PAMR1: variants seen among roughly 807,000 people sequenced by gnomAD.
PAMR1 encodes the protein peptidase domain containing associated with muscle regeneration 1, also known as inactive serine protease PAMR1.
PAMR1 carries 88 observed loss-of-function variants against 81.8 expected under a neutral mutation model. The ratio of observed to expected loss-of-function variants is 1.08; its 90% confidence interval spans 0.91 to 1.28. The LOEUF (loss-of-function observed/expected upper bound fraction) is 1.28, where lower values mean the gene tolerates loss of function less well. Among genes scored for constraint, PAMR1 ranks in the 50% most tolerant of loss-of-function variants. The pLI is 0.00. For synonymous variants in PAMR1, 336 were observed against 345.3 expected, an observed-to-expected ratio of 0.97 and a Z score of 0.30; for missense variants, 935 against 919.7, an observed-to-expected ratio of 1.02 and a Z score of -0.21.
rs1465832938 is a variant in PAMR1, at chr11:35,457,904, T to A, written c.820+10097A>T. 3.3e-5 allele frequency among the ~76,000 whole-genome samples: 5 copies of A among 152,262 alleles called. No individual in the cohort carries two copies. In the East Asian group the frequency reaches 7.7e-4, roughly 23 times the overall value. On this transcript the variant is annotated intron_variant, in intron 6 of 10. Coordinates refer to ENST00000619888, the MANE Select transcript of PAMR1 (RefSeq NM_001001991.3). Reference sequence around the variant, plus strand: ...GTTATTACCTACCACTTGTCATTAATCATTTGTTGAAGGATGATGAGATGA... The same window carrying A: ...GTTATTACCTACCACTTGTCATTAAACATTTGTTGAAGGATGATGAGATGA...
intron 6 of PAMR1, among the ~76,000 whole-genome samples, chr11:35,458,295 T>C (rs1333420085): frequency 6.6e-6 from 1 of 152,210 alleles, no homozygotes; most frequent in African/African-American, 2.4e-5. Flanking sequence ...TCTTTTAATC[T>C]CTATCCCATC....
intron 1 of PAMR1, among the ~76,000 whole-genome samples, chr11:35,515,876 T>C (rs1264688193): frequency 6.6e-6 from 1 of 151,930 alleles, no homozygotes; most frequent in Non-Finnish European, 1.5e-5. Context: ...CACAGATGAA[T>C]AGAATGGGAC....
chr11:35,482,410 C>A (rs1031535503), intron 3 of PAMR1, among the ~76,000 whole-genome samples: 1 of 152,110 alleles, frequency 6.6e-6, no homozygotes, highest in Non-Finnish European at 1.5e-5. Flanking sequence ...TGTTTTGGCA[C>A]CAGTACCATT....
intron 3 of PAMR1, among the ~76,000 whole-genome samples, chr11:35,475,041 A>G (rs1452516155): frequency 1.3e-5 from 2 of 152,194 alleles, no homozygotes; most frequent in African/African-American, 4.8e-5. Context: ...CTAGCCGCTA[A>G]GTGACGGAGC....
At chr11:35,465,696 C>A (rs771545350) in intron 6 of PAMR1, among the ~76,000 whole-genome samples, 1 of 152,180 alleles carries the variant, frequency 6.6e-6, no homozygotes, top group South Asian at 2.1e-4. Context: ...AATGACATAT[C>A]GGATATCCAC....
intron 1 of PAMR1, 134 bp downstream of exon 1, chr11:35,525,379 C>G (rs1851366375): frequency 7.3e-6 from 5 of 680,912 alleles, no homozygotes; most frequent in East Asian, 2.8e-5. Context: ...GCACCACCCC[C>G]CCTCAACCCC....
At chr11:35,472,180 T>C (rs751086780) in intron 4 of PAMR1, among the ~76,000 whole-genome samples, 22 of 152,218 alleles carry the variant, frequency 1.4e-4, no homozygotes, top group Non-Finnish European at 2.4e-4. Flanking sequence ...CTTATGCAGA[T>C]GCCACCATGC....
intron 4 of PAMR1, among the ~76,000 whole-genome samples, chr11:35,472,021 T>C (rs762132765): frequency 1.3e-5 from 2 of 152,212 alleles, no homozygotes; most frequent in Non-Finnish European, 2.9e-5. Context: ...TTGTAAGTGT[T>C]CTAAAAGGTA....
chr11:35,517,796 G>C (rs656009), intron 1 of PAMR1, among the ~76,000 whole-genome samples: 1 of 152,112 alleles, frequency 6.6e-6, no homozygotes, highest in East Asian at 1.9e-4. Flanking sequence ...ACTTTGTCCT[G>C]TTCATCTTGA....
intron 6 of PAMR1, among the ~76,000 whole-genome samples, chr11:35,445,891 A>G (rs75304200): frequency 6.6e-6 from 1 of 152,192 alleles, no homozygotes; most frequent in African/African-American, 2.4e-5. Context: ...TGTTTTGAAT[A>G]GTTTCAGAAG....
intron 1 of PAMR1, among the ~76,000 whole-genome samples, chr11:35,512,391 C>T (rs1851089604): frequency 6.6e-6 from 1 of 152,076 alleles, no homozygotes; most frequent in Non-Finnish European, 1.5e-5. Flanking sequence ...AATAAATTGC[C>T]CCAGGTAACA....
chr11:35,521,621 A>G (rs1590403862), intron 1 of PAMR1, among the ~76,000 whole-genome samples: 1 of 152,140 alleles, frequency 6.6e-6, no homozygotes, highest in Admixed American at 6.5e-5. Context: ...CTTTGCCACA[A>G]CCAGCCAAGA....
At chr11:35,511,264 C>T (rs188991118) in intron 1 of PAMR1, among the ~76,000 whole-genome samples, 1 of 152,218 alleles carries the variant, frequency 6.6e-6, no homozygotes, top group African/African-American at 2.4e-5. Flanking sequence ...CCTCAAACAG[C>T]AGGGGCTTAG....
intron 9 of PAMR1, 70 bp downstream of exon 9, chr11:35,435,833 G>T: frequency 2.6e-6 from 3 of 1,166,838 alleles, no homozygotes; most frequent in South Asian, 1.2e-5. Context: ...AAAAAGTAGG[G>T]TTAATGGTTT....
chr11:35,485,921 G>A (rs1409886944), intron 3 of PAMR1, among the ~76,000 whole-genome samples: 4 of 152,210 alleles, frequency 2.6e-5, no homozygotes, highest in Non-Finnish European at 5.9e-5. Flanking sequence ...ATGGGGCTCC[G>A]GCGCTGTGTC....
intron 3 of PAMR1, among the ~76,000 whole-genome samples, chr11:35,479,550 A>G (rs900096453): frequency 1.3e-5 from 2 of 152,302 alleles, no homozygotes; most frequent in Non-Finnish European, 1.5e-5. Flanking sequence ...TTGGTCCAGG[A>G]ATCACAGGGG....
At chr11:35,518,958 G>T (rs191342046) in intron 1 of PAMR1, among the ~76,000 whole-genome samples, 1 of 152,228 alleles carries the variant, frequency 6.6e-6, no homozygotes, top group Admixed American at 6.5e-5. Flanking sequence ...CAAACATCAA[G>T]TCAACTGACC....
At position 35,494,158 on chromosome 11, in the gene PAMR1, C is replaced by G; in HGVS notation, c.188G>C (p.Gly63Ala). Residue 63 changes from glycine (G) to alanine (A), a missense_variant, in exon 2 of 11, where the codon GGT (glycine) becomes GCT (alanine). Physicochemically the swap from Gly to Ala is moderately conservative, Grantham distance 60. Transcript: ENST00000619888. ...ATTCCTGCAGCAAGGGATGGTATAA[C>G]CCACGACTTCCCTCTTTCCGGGGCA... ...CVCPGKREVV[G>A]YTIPCCRNEE... 1.2e-6 allele frequency: 2 copies of G among 1,614,094 alleles called. No homozygotes were observed. Among genetic ancestry groups the G allele is most frequent in the Non-Finnish European group, 1.7e-6 (2 of 1,179,948 alleles).
At position 35,439,748 on chromosome 11, in the gene PAMR1, T is replaced by C. The variant is rs1194486383; in HGVS notation, c.1034-55A>G. The stretch of plus-strand genomic sequence containing the variant: ...TCCTTTTCCATATTCACTGTTCATA[T>C]CATTCAGTTCAGATTCATACCTGAC... On this transcript the variant is annotated intron_variant, in intron 7 of 10. Coordinates refer to ENST00000619888, the MANE Select transcript of PAMR1 (RefSeq NM_001001991.3). 2.1e-5 allele frequency: 31 copies of C among 1,461,082 alleles called. No homozygotes were observed. In the Admixed American group the frequency reaches 4.9e-4, roughly 23 times the overall value. 90.5% of individuals were successfully genotyped at this position (1,461,082 alleles called of 1,614,324 possible).
Sources: gnomAD v4.1 joint callset for allele counts (sites outside exome capture counted in the v4.1 genomes callset) on GRCh38, gnomAD v4.1.1 for gene constraint, MANE v1.5 for transcripts, NCBI Gene and HGNC (gene_info 2026-07-23, HGNC 2026-07-21) for gene names.